Variants in PLD1 observed in about 807,000 individuals in gnomAD.
The protein encoded by PLD1 is choline phosphatase 1.
A neutral mutation model predicts 137.1 loss-of-function variants in PLD1; 112 were observed. That is an observed-to-expected ratio of 0.82 (90% confidence interval 0.70 to 0.96). The LOEUF (loss-of-function observed/expected upper bound fraction) is 0.96, where lower values mean the gene tolerates loss of function less well. Ranked by LOEUF, PLD1 falls within the 40% of genes least tolerant of loss-of-function variation. PLD1 has a pLI of 0.00. For missense variants in PLD1, 1,321 were observed against 1,342.0 expected (o/e 0.98, Z 0.24); for synonymous variants, 431 against 454.7 (o/e 0.95, Z 0.66).
chr3:171,786,680 T>G (rs1192009208), intron 1 of PLD1, among the ~76,000 whole-genome samples: 1 of 152,208 alleles, frequency 6.6e-6, no homozygotes, highest in Non-Finnish European at 1.5e-5. Flanking sequence ...AAATTTGTAA[T>G]TTAAACTTCC....
chr3:171,744,429 T>C (rs1719994791), intron 1 of PLD1, among the ~76,000 whole-genome samples: 2 of 152,162 alleles, frequency 1.3e-5, no homozygotes, highest in Non-Finnish European at 1.5e-5. Context: ...GAGTCAGAAG[T>C]CTGACTCCCA....
chr3:171,633,012 C>A (rs1208559150), intron 23 of PLD1, among the ~76,000 whole-genome samples: 1 of 152,206 alleles, frequency 6.6e-6, no homozygotes, highest in Non-Finnish European at 1.5e-5. Context: ...AGAGACCTAA[C>A]AGTTGGTTCC....
At chr3:171,766,581 A>C (rs1055524787) in intron 1 of PLD1, among the ~76,000 whole-genome samples, 45 of 152,186 alleles carry the variant, frequency 3.0e-4, no homozygotes, top group African/African-American at 1.0e-3. Flanking sequence ...TTTTCCATAA[A>C]TAAAATTGTG....
At chr3:171,801,642 T>C (rs1297440008) in intron 1 of PLD1, among the ~76,000 whole-genome samples, 1 of 152,230 alleles carries the variant, frequency 6.6e-6, no homozygotes, top group African/African-American at 2.4e-5. Context: ...TTGGTCAGGC[T>C]GGTCTTGAAC....
intron 22 of PLD1, 54 bp from the exon 23 acceptor site, chr3:171,642,943 C>A: frequency 1.1e-6 from 1 of 950,326 alleles, no homozygotes; most frequent in Non-Finnish European, 1.7e-6. Flanking sequence ...CAACCAATCC[C>A]ATGCAGTATC....
At chr3:171,642,668 A>G (rs533803084) in intron 23 of PLD1, among the ~76,000 whole-genome samples, 172 bp downstream of exon 23, 148 of 152,222 alleles carry the variant, frequency 9.7e-4, no homozygotes, top group African/African-American at 3.3e-3. Context: ...TCTTCATTTG[A>G]ATAATGGTTT....
chr3:171,620,769 T>TATATATATAA (rs1491299107), intron 23 of PLD1, among the ~76,000 whole-genome samples: 1 of 88,536 alleles, frequency 1.1e-5, no homozygotes, highest in African/African-American at 6.7e-5. Flanking sequence ...TATATATATA[T>TATATATATAA]TATATATATT....
chr3:171,698,614 C>T (rs1203238701), intron 12 of PLD1, among the ~76,000 whole-genome samples: 7 of 151,920 alleles, frequency 4.6e-5, no homozygotes, highest in Non-Finnish European at 1.0e-4. Context: ...AAAATGCTAA[C>T]CCCAATTATT....
rs181584304 is a variant in PLD1 at position 171,601,675 on chromosome 3, G to T, written c.*1403C>A. The T allele has an allele frequency of 6.6e-6, 1 of 152,058 alleles. No homozygotes were observed. The highest frequency in any genetic ancestry group is 2.4e-5 in the African/African-American group (1 of 41,364). 9.4% of individuals were successfully genotyped at this position (152,058 alleles called of 1,614,324 possible). ...TATTAGCTTTATGAAAACAGGGATC[G>T]GCTGCTTGCTTCTTTGAAGAACAAC... On this transcript the variant is annotated 3_prime_UTR_variant, in exon 27 of 27. Coordinates refer to ENST00000351298, the MANE Select transcript of PLD1 (RefSeq NM_002662.5).
chr3:171,674,795 C>T (rs370614623), intron 18 of PLD1, among the ~76,000 whole-genome samples, 182 bp from the exon 19 acceptor site: 4 of 151,518 alleles, frequency 2.6e-5, no homozygotes, highest in Non-Finnish European at 4.4e-5. Context: ...CTGGCCAACA[C>T]GGTGAAACCC....
In PLD1 at chr3:171,612,940, G is replaced by A. The variant is rs1435193198; in HGVS notation, c.2729-508C>T. Among the ~76,000 whole-genome samples, 1 of 152,178 alleles carries A rather than the reference G, an allele frequency of 6.6e-6. No homozygotes were observed. The highest frequency in any genetic ancestry group is 1.5e-5 in the Non-Finnish European group (1 of 68,030). On this transcript the variant is annotated intron_variant, in intron 24 of 26. Transcript: ENST00000351298. This position sits in a 1 kb window ranked among gnomAD's most constrained non-coding sequence, Gnocchi z 4.1. ...CCCAGTGCTTTGAGAGGCCAAGGCA[G>A]GAGGATCGCTTAAAGCCAGGAGTTT...
At chr3:171,685,627 T>C (rs1476623734) in intron 16 of PLD1, among the ~76,000 whole-genome samples, 2 of 152,186 alleles carry the variant, frequency 1.3e-5, no homozygotes, top group Non-Finnish European at 2.9e-5. Flanking sequence ...CTTATGATCT[T>C]ACTAGTGTCA....
chr3:171,663,121 C>A (rs544798477), intron 19 of PLD1, among the ~76,000 whole-genome samples: 41 of 152,344 alleles, frequency 2.7e-4, no homozygotes, highest in African/African-American at 9.6e-4. Flanking sequence ...TACCATCATT[C>A]TATTAGTCTT....
intron 21 of PLD1, 54 bp downstream of exon 21, chr3:171,659,159 T>C (rs1737450528): frequency 1.7e-6 from 2 of 1,187,696 alleles, no homozygotes; most frequent in Admixed American, 1.8e-5. Flanking sequence ...AAAGTCATTT[T>C]AGTAATAAAT....
intron 19 of PLD1, among the ~76,000 whole-genome samples, chr3:171,663,154 G>A (rs373383282): frequency 8.5e-5 from 13 of 152,282 alleles, no homozygotes; most frequent in East Asian, 5.8e-4. Flanking sequence ...TCTCCTTAGC[G>A]TCTATATTCA....
chr3:171,676,446 A>C (rs772224697), intron 18 of PLD1, among the ~76,000 whole-genome samples: 2 of 152,144 alleles, frequency 1.3e-5, no homozygotes, highest in Non-Finnish European at 2.9e-5. Flanking sequence ...CACTGTGTCC[A>C]AGATGTTAAC....
chr3:171,774,027 C>T (rs1489113646), intron 1 of PLD1, among the ~76,000 whole-genome samples: 3 of 152,300 alleles, frequency 2.0e-5, no homozygotes, highest in East Asian at 1.9e-4. Context: ...GGATTACAGG[C>T]GTGAGCCACC....
In PLD1 at chr3:171,714,063, G is replaced by A. The variant is rs765853194; in HGVS notation, c.759-18C>T. On this transcript the variant is annotated intron_variant, in intron 8 of 26. Transcript: ENST00000351298. ...TTAACCATCTGTAAGAAGGTAGTAAGTATTTTTAAAAGTTGCATTGAGTAA... is the reference window on the plus strand; with the variant it reads ...TTAACCATCTGTAAGAAGGTAGTAAATATTTTTAAAAGTTGCATTGAGTAA... 6.5e-7 allele frequency: 1 copy of A among 1,536,724 alleles called. No individual in the cohort carries two copies. Among genetic ancestry groups the A allele is most frequent in the Admixed American group, 1.7e-5 (1 of 58,024 alleles).
At chr3:171,659,806 G>C (rs1271680265) in intron 20 of PLD1, among the ~76,000 whole-genome samples, 2 of 152,008 alleles carry the variant, frequency 1.3e-5, no homozygotes, top group Non-Finnish European at 2.9e-5. Flanking sequence ...TGTCTTGTTT[G>C]TCTGGGTCTC....
Sources: allele counts gnomAD v4.1 joint callset (sites outside exome capture counted in the v4.1 genomes callset), GRCh38; gene constraint gnomAD v4.1.1; non-coding constraint Gnocchi (gnomAD v3.1); transcripts MANE v1.5; gene names NCBI Gene and HGNC (gene_info 2026-07-23, HGNC 2026-07-21).